The following TCP11L1 variants were observed in gnomAD, a reference collection of about 807,000 sequenced individuals.
TCP11L1 encodes the protein t-complex 11 like 1, also known as T-complex protein 11-like protein 1.
TCP11L1 carries 28 observed loss-of-function variants against 48.9 expected under a neutral mutation model. The ratio of observed to expected loss-of-function variants is 0.57; its 90% confidence interval spans 0.42 to 0.78. The LOEUF (loss-of-function observed/expected upper bound fraction) is 0.78. Ranked by LOEUF, TCP11L1 falls within the 30% of genes least tolerant of loss-of-function variation. TCP11L1 has a pLI of 0.00. For missense variants in TCP11L1, 505 were observed against 613.4 expected, an observed-to-expected ratio of 0.82 and a Z score of 1.87; for synonymous variants, 204 against 231.9, an observed-to-expected ratio of 0.88 and a Z score of 1.09.
rs969619410 is a variant in TCP11L1, at chr11:33,072,870, A to G, written c.*194A>G. 36 of 645,312 alleles carry G rather than the reference A, an allele frequency of 5.6e-5. No individual in the cohort carries two copies. The highest frequency in any genetic ancestry group is 8.7e-5 in the Non-Finnish European group (33 of 380,882). The allele number at this position is 645,312 out of a possible 1,614,324, so 40.0% of individuals were successfully genotyped here. A position where few individuals can be genotyped will look rare whatever the true frequency, so the allele number is the denominator to read the frequency against. On this transcript the variant is annotated 3_prime_UTR_variant, in exon 10 of 10. Coordinates refer to ENST00000334274, the MANE Select transcript of TCP11L1 (RefSeq NM_018393.4). ...ACTGAATTCTATTTTGAGAGATTGT[A>G]TTTATGAGTGCAAGTTTACAAATCA... is the stretch of plus-strand genomic sequence containing the variant.
intron 2 of TCP11L1, among the ~76,000 whole-genome samples, chr11:33,050,937 C>T (rs1854143275): frequency 6.6e-6 from 1 of 152,016 alleles, no homozygotes; most frequent in African/African-American, 2.4e-5. Context: ...TCTCAGCCTC[C>T]TGAGTAGCTG....
intron 2 of TCP11L1, chr11:33,044,193 C>G (rs1853919826): frequency 6.1e-6 from 2 of 325,420 alleles, no homozygotes; most frequent in Non-Finnish European, 1.1e-5. Context: ...ACTCCAGTCT[C>G]TGAAGTGCTC....
chr11:33,050,333 C>T (rs986926150), intron 2 of TCP11L1, among the ~76,000 whole-genome samples: 4 of 152,220 alleles, frequency 2.6e-5, no homozygotes, highest in African/African-American at 9.6e-5. Flanking sequence ...CTAATAATCT[C>T]TGAGTTTCTT....
chr11:33,066,630 A>G (rs751059765), intron 8 of TCP11L1, among the ~76,000 whole-genome samples: 1 of 152,004 alleles, frequency 6.6e-6, no homozygotes, highest in African/African-American at 2.4e-5. Flanking sequence ...TGTTCTCCCT[A>G]CGCAGGGAGC....
intron 3 of TCP11L1, among the ~76,000 whole-genome samples, chr11:33,055,463 C>T (rs1396835525): frequency 6.6e-6 from 1 of 152,176 alleles, no homozygotes; most frequent in South Asian, 2.1e-4. Flanking sequence ...CCCCTGGAGT[C>T]ATGAAACAGA....
chr11:33,042,659 G>T (rs777094354), intron 1 of TCP11L1, among the ~76,000 whole-genome samples: 1 of 152,176 alleles, frequency 6.6e-6, no homozygotes, highest in Non-Finnish European at 1.5e-5. Flanking sequence ...TCTGTAGGGC[G>T]CAGTGGCTCA....
chr11:33,054,866 GAAC>G, intron 3 of TCP11L1, 141 bp downstream of exon 3: 1 of 1,093,698 alleles, frequency 9.1e-7, no homozygotes, highest in Non-Finnish European at 1.3e-6. Flanking sequence ...CCTGAACAAG[GAAC>G]AACCTAAAAA....
intron 8 of TCP11L1, among the ~76,000 whole-genome samples, chr11:33,066,267 C>T (rs1035326175): frequency 1.2e-4 from 18 of 152,190 alleles, no homozygotes; most frequent in Admixed American, 6.5e-5. Context: ...TGTGACTAGC[C>T]GAGTAGCCTG....
chr11:33,072,587 A>G lies in TCP11L1; in HGVS notation c.1441A>G (p.Ile481Val), dbSNP rs142277456. 20 of 1,614,034 alleles carry G rather than the reference A, an allele frequency of 1.2e-5. No homozygotes were observed. Among genetic ancestry groups the G allele is most frequent in the Non-Finnish European group, 1.5e-5 (18 of 1,180,024 alleles). ...TCAGAGAGAGCTGGAGGAAGTTGCT[A>G]TTAAATTTGCTCGCCTGGTCAACTA... ...PVQRELEEVA[I>V]KFARLVNYNK... Residue 481 changes from isoleucine to valine, a missense_variant, in exon 10 of 10, where the codon ATT becomes GTT. This residue lies in a region of TCP11L1 where 335 missense variants were observed against 413.3 expected (regional missense o/e 0.81). Coordinates refer to ENST00000334274, the MANE Select transcript of TCP11L1 (RefSeq NM_018393.4).
intron 2 of TCP11L1, among the ~76,000 whole-genome samples, chr11:33,045,537 A>C (rs1853965379): frequency 6.6e-6 from 1 of 152,020 alleles, no homozygotes; most frequent in Non-Finnish European, 1.5e-5. Flanking sequence ...AAAAATAAAA[A>C]AAATAAAGAG....
chr11:33,068,131 C>A (rs1854672849), intron 8 of TCP11L1, among the ~76,000 whole-genome samples: 1 of 152,152 alleles, frequency 6.6e-6, no homozygotes, highest in Non-Finnish European at 1.5e-5. Context: ...GTTGGCCAGG[C>A]TGGTCTTGAA....
chr11:33,066,038 G>A, intron 8 of TCP11L1, 27 bp downstream of exon 8: 2 of 1,610,954 alleles, frequency 1.2e-6, no homozygotes, highest in Non-Finnish European at 1.7e-6. Context: ...TGCGTGGATG[G>A]GACGCAGTGG....
At chr11:33,054,901 C>T (rs1319749178) in intron 3 of TCP11L1, among the ~76,000 whole-genome samples, 176 bp downstream of exon 3, 1 of 152,220 alleles carries the variant, frequency 6.6e-6, no homozygotes, top group Non-Finnish European at 1.5e-5. Flanking sequence ...CTCTAAAAAT[C>T]TTTTGTGAAA....
At chr11:33,066,365 C>T (rs940918619) in intron 8 of TCP11L1, among the ~76,000 whole-genome samples, 8 of 151,998 alleles carry the variant, frequency 5.3e-5, no homozygotes, top group Non-Finnish European at 1.0e-4. Context: ...AGAGGGGGAA[C>T]GTAATTAGAT....
rs1002098179 is a variant in TCP11L1, at chr11:33,063,859, C to G, written c.973-1971C>G. Among the ~76,000 whole-genome samples, 3 of 152,310 alleles carry G rather than the reference C, an allele frequency of 2.0e-5. No individual in the cohort carries two copies. In the East Asian group the frequency reaches 5.8e-4, roughly 29 times the overall value. On this transcript the variant is annotated intron_variant, in intron 7 of 9. Coordinates refer to ENST00000334274, the MANE Select transcript of TCP11L1 (RefSeq NM_018393.4). ...TCCCCGTTTTGTGCTGGAGGAAGCT[C>G]TAAAGAGAATGTCAAATTGGAGATG...
chr11:33,058,185 G>A lies in TCP11L1; in HGVS notation c.638+46G>A, dbSNP rs773286138. On this transcript the variant is annotated intron_variant, in intron 5 of 9. Transcript: ENST00000334274. ...TACTCCGTGCAACTACAATTCAGAG[G>A]CATTTTCTTTTTTTTCTTTTCTTTT... is the stretch of plus-strand genomic sequence containing the variant. 17 of 1,502,700 alleles carry A rather than the reference G, an allele frequency of 1.1e-5. No homozygotes were observed. The South Asian group carries it at 1.7e-4, about 15-fold the overall frequency. 93.1% of individuals were successfully genotyped at this position (1,502,700 alleles called of 1,614,324 possible). A position where few individuals can be genotyped will look rare whatever the true frequency, so the allele number is the denominator to read the frequency against.
chr11:33,066,065 T>C (rs1255710229), intron 8 of TCP11L1, 54 bp downstream of exon 8: 3 of 1,597,548 alleles, frequency 1.9e-6, no homozygotes, highest in Non-Finnish European at 2.6e-6. Flanking sequence ...GAGAGCCGAC[T>C]GGAGTCTCCC....
intron 1 of TCP11L1, chr11:33,041,381 A>T (rs943789560): frequency 1.3e-5 from 2 of 152,214 alleles, no homozygotes; most frequent in Admixed American, 6.5e-5. Flanking sequence ...CACAGAGGAG[A>T]TGGGTGTCTC....
intron 2 of TCP11L1, among the ~76,000 whole-genome samples, chr11:33,053,215 G>A (rs1245736218): frequency 6.9e-6 from 1 of 144,912 alleles, no homozygotes; most frequent in Non-Finnish European, 1.5e-5. Context: ...TGTGATCTTC[G>A]CTCACTGCAA....
Sources: allele counts gnomAD v4.1 joint callset (sites outside exome capture counted in the v4.1 genomes callset), GRCh38; gene constraint gnomAD v4.1.1; regional missense constraint gnomAD v4.1.1; transcripts MANE v1.5; gene names NCBI Gene and HGNC (gene_info 2026-07-23, HGNC 2026-07-21).